AGAP1: variants seen among roughly 807,000 people sequenced by gnomAD.
AGAP1 encodes the protein arf-GAP with GTPase, ANK repeat and PH domain-containing protein 1.
In AGAP1, 29 loss-of-function variants were observed where a neutral mutation model predicts 105.3. That is an observed-to-expected ratio of 0.28 (90% confidence interval 0.21 to 0.38). The LOEUF (loss-of-function observed/expected upper bound fraction) is 0.38. Among genes scored for constraint, AGAP1 ranks in the 10% least tolerant of loss-of-function variants. The pLI is 1.00. For synonymous variants in AGAP1, 509 were observed against 485.9 expected (o/e 1.05, Z -0.63); for missense variants, 998 against 1,165.1 (o/e 0.86, Z 2.09).
intron 9 of AGAP1, among the ~76,000 whole-genome samples, chr2:235,846,410 T>A (rs1480597831): frequency 6.6e-6 from 1 of 150,780 alleles, no homozygotes; most frequent in Admixed American, 6.6e-5. Flanking sequence ...GACTGCGACC[T>A]CCACCTCCCC....
chr2:236,006,045 T>G (rs780416700), intron 13 of AGAP1, among the ~76,000 whole-genome samples: 2 of 152,228 alleles, frequency 1.3e-5, no homozygotes, highest in Non-Finnish European at 2.9e-5. Flanking sequence ...AGGGGAGATC[T>G]GTTTCTCTCC....
chr2:235,969,319 T>TAC (rs201191090), intron 13 of AGAP1, among the ~76,000 whole-genome samples: 1 of 150,388 alleles, frequency 6.6e-6, no homozygotes, highest in Admixed American at 6.6e-5. Flanking sequence ...CACACACACA[T>TAC]ACACACACAC....
chr2:236,034,002 T>A (rs527480304), intron 13 of AGAP1, among the ~76,000 whole-genome samples: 1 of 152,190 alleles, frequency 6.6e-6, no homozygotes, highest in Non-Finnish European at 1.5e-5. Context: ...TAATGAAAAA[T>A]TGTCACATCC....
Position 235,611,109 on chromosome 2 carries a change from G to T in AGAP1, c.164-98070G>T, listed in dbSNP as rs1006986112. Reference sequence around the variant, plus strand: ...TAGTGTGTTGACCTTCCACTGCCCCGAGGGGAGGACTCTGCCCTACTGGAT... The same window carrying T: ...TAGTGTGTTGACCTTCCACTGCCCCTAGGGGAGGACTCTGCCCTACTGGAT... On this transcript the variant is annotated intron_variant, in intron 1 of 17. Coordinates refer to ENST00000304032, the MANE Select transcript of AGAP1 (RefSeq NM_001037131.3). This position sits in a 1 kb window ranked among gnomAD's most constrained non-coding sequence, Gnocchi z 5.0. 6.6e-6 allele frequency among the ~76,000 whole-genome samples: 1 copy of T among 151,546 alleles called. No individual in the cohort carries two copies. Among genetic ancestry groups the T allele is most frequent in the African/African-American group, 2.4e-5 (1 of 40,856 alleles).
In AGAP1 at chr2:235,879,238, G is replaced by A. The variant is rs952572331; in HGVS notation, c.1051-4107G>A. 4.6e-5 allele frequency among the ~76,000 whole-genome samples: 7 copies of A among 152,166 alleles called. No homozygotes were observed. The highest frequency in any genetic ancestry group is 9.7e-5 in the African/African-American group (4 of 41,438). ...GAGCAGGGGACATGACTGCACAGCC[G>A]GGCTGAGCATGGGGTAGTGCTCCAG... On this transcript the variant is annotated intron_variant, in intron 9 of 17. Transcript: ENST00000304032. This position sits in a 1 kb window ranked among gnomAD's most constrained non-coding sequence, Gnocchi z 5.0.
intron 1 of AGAP1, among the ~76,000 whole-genome samples, chr2:235,537,978 G>C (rs1379738710): frequency 6.6e-6 from 1 of 152,164 alleles, no homozygotes; most frequent in African/African-American, 2.4e-5. Flanking sequence ...GTACTAAGAG[G>C]CTTCTTGTTA....
intron 9 of AGAP1, among the ~76,000 whole-genome samples, chr2:235,835,820 T>G (rs1960089859): frequency 6.6e-6 from 1 of 152,206 alleles, no homozygotes; most frequent in Non-Finnish European, 1.5e-5. Context: ...TGATACTGCT[T>G]CTTAGACAAA....
At chr2:235,673,358 A>C (rs558862161) in intron 1 of AGAP1, among the ~76,000 whole-genome samples, 1 of 152,244 alleles carries the variant, frequency 6.6e-6, no homozygotes, top group Non-Finnish European at 1.5e-5. Context: ...GCCCAAGCTC[A>C]GTTTCCCTGT....
At chr2:235,852,625 C>T in intron 9 of AGAP1, 1 of 1,358,160 alleles carries the variant, frequency 7.4e-7, no homozygotes, top group Non-Finnish European at 9.6e-7. Context: ...ATTAATTAGC[C>T]ATAACCCTCA....
In AGAP1 at chr2:235,689,932, A is replaced by T. The variant is rs577795009; in HGVS notation, c.164-19247A>T. On this transcript the variant is annotated intron_variant, in intron 1 of 17. Coordinates refer to ENST00000304032, the MANE Select transcript of AGAP1 (RefSeq NM_001037131.3). The surrounding 1 kb of genome is among the most constrained non-coding windows in gnomAD (Gnocchi z 4.2). ...TGTCATTTGTGGTATTTTTTTTTTTAAATACTGCTTTTGTTTATTTTCCCT... is the reference window on the plus strand; with the variant it reads ...TGTCATTTGTGGTATTTTTTTTTTTTAATACTGCTTTTGTTTATTTTCCCT... 7.2e-5 allele frequency among the ~76,000 whole-genome samples: 11 copies of T among 151,796 alleles called. No individual in the cohort carries two copies. The highest frequency in any genetic ancestry group is 3.3e-4 in the Admixed American group (5 of 15,258).
rs2059890006 is a variant in AGAP1, at chr2:236,121,280, G to C, written c.2370+833G>C. On this transcript the variant is annotated intron_variant, in intron 17 of 17. Transcript: ENST00000304032. This position sits in a 1 kb window ranked among gnomAD's most constrained non-coding sequence, Gnocchi z 4.9. ...CATGGGTAGAGTGCAGCAGGTTTCT[G>C]CATGTTTTTGATCTGACTTTTTTGT... Among the ~76,000 whole-genome samples, 1 of 152,172 alleles carries C rather than the reference G, an allele frequency of 6.6e-6. No individual in the cohort carries two copies. The highest frequency in any genetic ancestry group is 1.5e-5 in the Non-Finnish European group (1 of 68,030).
In AGAP1 at chr2:236,036,157, G is replaced by A. The variant is rs2123509; in HGVS notation, c.1646-404G>A. Among the ~76,000 whole-genome samples, 37,188 of 152,018 alleles carry A rather than the reference G, an allele frequency of 0.24. 5,493 individuals carry two copies. Among genetic ancestry groups the A allele is most frequent in the African/African-American group, 0.41 (17,151 of 41,438 alleles). On this transcript the variant is annotated intron_variant, in intron 13 of 17. Coordinates refer to ENST00000304032, the MANE Select transcript of AGAP1 (RefSeq NM_001037131.3). This position sits in a 1 kb window ranked among gnomAD's most constrained non-coding sequence, Gnocchi z 5.7. ...CCATGGAGTGTCTGTGGATCTACGC[G>A]AGTGCTTAGATAGAAATTAACCCTG... is the stretch of plus-strand genomic sequence containing the variant.
chr2:235,854,311 G>T (rs145296449), intron 9 of AGAP1, among the ~76,000 whole-genome samples: 2 of 152,308 alleles, frequency 1.3e-5, no homozygotes, highest in Non-Finnish European at 2.9e-5. Context: ...CTCCTCCCCC[G>T]CATCCAACTG....
chr2:236,115,863 G>A (rs1186151043), intron 16 of AGAP1, among the ~76,000 whole-genome samples: 2 of 152,204 alleles, frequency 1.3e-5, no homozygotes, highest in African/African-American at 4.8e-5. Context: ...GGAGTGCAGT[G>A]GCGCAATCTT....
In AGAP1 at chr2:236,038,982, A is replaced by T. The variant is rs1004810267; in HGVS notation, c.1801-1769A>T. On this transcript the variant is annotated intron_variant, in intron 14 of 17. Coordinates refer to ENST00000304032, the MANE Select transcript of AGAP1 (RefSeq NM_001037131.3). The surrounding 1 kb of genome is among the most constrained non-coding windows in gnomAD (Gnocchi z 4.5). ...AGACAGTAGTGATTAATACATTATA[A>T]TTTATTATGTAGCAAGTAATATATT... is the stretch of plus-strand genomic sequence containing the variant. Among the ~76,000 whole-genome samples, 1 of 152,202 alleles carries T rather than the reference A, an allele frequency of 6.6e-6. No individual in the cohort carries two copies. The highest frequency in any genetic ancestry group is 2.4e-5 in the African/African-American group (1 of 41,448).
intron 1 of AGAP1, among the ~76,000 whole-genome samples, chr2:235,650,786 A>G (rs1418515873): frequency 2.0e-5 from 3 of 152,194 alleles, no homozygotes; most frequent in Non-Finnish European, 4.4e-5. Flanking sequence ...AGAAAGACTT[A>G]TTAAAGAAAT....
chr2:235,989,270 G>A lies in AGAP1; in HGVS notation c.1645+20647G>A, dbSNP rs575903474. Among the ~76,000 whole-genome samples the A allele has an allele frequency of 1.1e-4, 17 of 152,288 alleles. No individual in the cohort carries two copies. In the South Asian group the frequency reaches 1.2e-3, roughly 11 times the overall value. Reference sequence around the variant, plus strand: ...ATTGACCAGGTACTGTGTAGAGGTCGCTGCTGCGTGTGGCTTCACCCAGCT... The same window carrying A: ...ATTGACCAGGTACTGTGTAGAGGTCACTGCTGCGTGTGGCTTCACCCAGCT... On this transcript the variant is annotated intron_variant, in intron 13 of 17. Transcript: ENST00000304032. This position sits in a 1 kb window ranked among gnomAD's most constrained non-coding sequence, Gnocchi z 4.4.
rs1402674267 is a variant in AGAP1, at chr2:236,114,511, T to G, written c.2115-5681T>G. ...ACTTGGGTGGCTTAAGTGCGGGACA[T>G]TCACGTCTCACAGTTCTGGAGGCTG... On this transcript the variant is annotated intron_variant, in intron 16 of 17. Coordinates refer to ENST00000304032, the MANE Select transcript of AGAP1 (RefSeq NM_001037131.3). This position sits in a 1 kb window ranked among gnomAD's most constrained non-coding sequence, Gnocchi z 5.0. Among the ~76,000 whole-genome samples, 3 of 152,182 alleles carry G rather than the reference T, an allele frequency of 2.0e-5. No homozygotes were observed. The highest frequency in any genetic ancestry group is 7.2e-5 in the African/African-American group (3 of 41,452).
rs2050393778 is a variant in AGAP1 at position 235,888,886 on chromosome 2, G to C, written c.1155+5437G>C. Among the ~76,000 whole-genome samples the C allele has an allele frequency of 2.6e-5, 4 of 152,166 alleles. No homozygotes were observed. ...CAGCAGTGGGGAGCTCTGGCTTTCA[G>C]TTCCTTTGCACACTGTGGAAGCAGG... On this transcript the variant is annotated intron_variant, in intron 10 of 17. Transcript: ENST00000304032. This position sits in a 1 kb window ranked among gnomAD's most constrained non-coding sequence, Gnocchi z 4.8.
Sources: gnomAD v4.1 joint callset for allele counts (sites outside exome capture counted in the v4.1 genomes callset) on GRCh38, gnomAD v4.1.1 for gene constraint, Gnocchi (gnomAD v3.1) non-coding constraint, MANE v1.5 for transcripts, NCBI Gene and HGNC (gene_info 2026-07-23, HGNC 2026-07-21) for gene names.